Variants in TENM3 observed in about 807,000 individuals in gnomAD.
The protein encoded by TENM3 is teneurin transmembrane protein 3, also known as teneurin-3.
In TENM3, 63 loss-of-function variants were observed where a neutral mutation model predicts 255.1. The observed-to-expected ratio is 0.25, with a 90% confidence interval of 0.20 to 0.30. The LOEUF (loss-of-function observed/expected upper bound fraction) is 0.30. Ranked by LOEUF, TENM3 falls within the 10% of genes least tolerant of loss-of-function variation. The probability of loss-of-function intolerance (pLI) is 1.00; values close to 1 mark genes in which losing one functional copy is unlikely to be tolerated. For synonymous variants in TENM3, 1,306 were observed against 1,322.3 expected (o/e 0.99, Z 0.27); for missense variants, 2,929 against 3,461.1 (o/e 0.85, Z 3.86).
At chr4:181,915,370 A>G in the TENM3 span, among the ~76,000 whole-genome samples, 6 of 152,214 alleles carry the variant, frequency 3.9e-5, no homozygotes, top group Admixed American at 2.0e-4. Flanking sequence ...CCCATGAAGC[A>G]CATGCTATTA....
At chr4:182,240,694 C>T (rs1399871812), upstream of TENM3, among the ~76,000 whole-genome samples, 1 of 152,200 alleles carries the variant, frequency 6.6e-6, no homozygotes, top group African/African-American at 2.4e-5. Flanking sequence ...AAGGCAGGAT[C>T]TAGCAGGGTG....
chr4:181,595,730 C>T, the TENM3 span, among the ~76,000 whole-genome samples: 38 of 152,210 alleles, frequency 2.5e-4, no homozygotes, highest in Non-Finnish European at 4.6e-4. Flanking sequence ...CTTCTCTCAC[C>T]AAAATCAGCC....
At chr4:181,726,233 C>T in the TENM3 span, among the ~76,000 whole-genome samples, 1 of 152,066 alleles carries the variant, frequency 6.6e-6, no homozygotes, top group African/African-American at 2.4e-5. Flanking sequence ...TTTTTAACCA[C>T]CTACTATATG....
chr4:182,798,297 C>T (rs1037054470), intron 27 of TENM3, among the ~76,000 whole-genome samples: 5 of 152,214 alleles, frequency 3.3e-5, no homozygotes, highest in Non-Finnish European at 7.3e-5. Context: ...CATGAGCCAC[C>T]GGGCTCTGCC....
At chr4:182,365,842 A>G (rs886368035) in intron 3 of TENM3, among the ~76,000 whole-genome samples, 5 of 152,204 alleles carry the variant, frequency 3.3e-5, no homozygotes, top group Non-Finnish European at 7.3e-5. Flanking sequence ...AGCCCACTAT[A>G]TCTAGGCTAC....
the TENM3 span, among the ~76,000 whole-genome samples, chr4:181,578,656 C>T: frequency 6.6e-6 from 1 of 152,144 alleles, no homozygotes; most frequent in Non-Finnish European, 1.5e-5. Context: ...CTCAGCATCT[C>T]CATCAAAGGA....
intron 2 of TENM3, among the ~76,000 whole-genome samples, chr4:182,325,459 C>G (rs1763330868): frequency 6.6e-6 from 1 of 152,174 alleles, no homozygotes. Context: ...TTACTGGTAT[C>G]AAATTTTATG....
the TENM3 span, among the ~76,000 whole-genome samples, chr4:181,677,772 A>T: frequency 6.6e-6 from 1 of 152,178 alleles, no homozygotes; most frequent in South Asian, 2.1e-4. Context: ...GGCCATACTT[A>T]GCCCTGGAGT....
the TENM3 span, among the ~76,000 whole-genome samples, chr4:181,816,796 T>C: frequency 2.0e-5 from 3 of 152,236 alleles, no homozygotes; most frequent in Admixed American, 1.3e-4. Context: ...ATCACTTTTA[T>C]GCATCGATAA....
At chr4:181,816,342 T>G in the TENM3 span, among the ~76,000 whole-genome samples, 11 of 152,242 alleles carry the variant, frequency 7.2e-5, no homozygotes, top group African/African-American at 2.6e-4. Flanking sequence ...CACCTGACAT[T>G]TTGCTTTTTA....
chr4:181,753,779 T>C, the TENM3 span, among the ~76,000 whole-genome samples: 54 of 152,288 alleles, frequency 3.5e-4, no homozygotes, highest in Non-Finnish European at 7.3e-4. Flanking sequence ...AGTTTTGTTG[T>C]TTTTTACTTT....
At chr4:181,724,351 T>A in the TENM3 span, among the ~76,000 whole-genome samples, 1 of 151,340 alleles carries the variant, frequency 6.6e-6, no homozygotes, top group Non-Finnish European at 1.5e-5. Context: ...CATTTTCTCT[T>A]TTTTTTTTCT....
chr4:181,561,939 G>A, the TENM3 span, among the ~76,000 whole-genome samples: 2 of 152,156 alleles, frequency 1.3e-5, no homozygotes, highest in Non-Finnish European at 2.9e-5. Context: ...CATTCCCCTG[G>A]ATCCTTGCGA....
chr4:181,586,846 A>T, the TENM3 span, among the ~76,000 whole-genome samples: 1 of 147,552 alleles, frequency 6.8e-6, no homozygotes, highest in African/African-American at 2.5e-5. Context: ...TCTCAAAAAC[A>T]AAACAAAACA....
chr4:182,177,672 G>GT (rs1270073752), intron 1 of TENM3, among the ~76,000 whole-genome samples: 4 of 150,578 alleles, frequency 2.7e-5, no homozygotes, highest in Non-Finnish European at 5.9e-5. Context: ...TTGTTGAAAG[G>GT]TTTTTTTGTT....
At chr4:181,801,649 AAAATATAT>A in the TENM3 span, among the ~76,000 whole-genome samples, 186 of 113,404 alleles carry the variant, frequency 1.6e-3, 1 homozygote, top group African/African-American at 6.2e-3. Context: ...AAAGAATTGT[AAAATATAT>A]ATATATATAT....
intron 1 of TENM3, among the ~76,000 whole-genome samples, chr4:182,305,482 T>TA (rs1762081579): frequency 6.6e-6 from 1 of 152,244 alleles, no homozygotes; most frequent in South Asian, 2.1e-4. Context: ...GTAGTCAGAC[T>TA]AAAAATGTTA....
chr4:182,070,184 C>A, the TENM3 span, among the ~76,000 whole-genome samples: 1 of 152,116 alleles, frequency 6.6e-6, no homozygotes, highest in Non-Finnish European at 1.5e-5. Context: ...GGACGATGTA[C>A]CATTAGTTAT....
intron 22 of TENM3, among the ~76,000 whole-genome samples, chr4:182,761,032 G>A (rs1329401315): frequency 6.8e-6 from 1 of 147,670 alleles, no homozygotes; most frequent in Admixed American, 6.8e-5. Flanking sequence ...TGTTGACACT[G>A]ACTCCTATTA....
Sources: gnomAD v4.1 joint callset for allele counts (sites outside exome capture counted in the v4.1 genomes callset) on GRCh38, gnomAD v4.1.1 for gene constraint, MANE v1.5 for transcripts, NCBI Gene and HGNC (gene_info 2026-07-23, HGNC 2026-07-21) for gene names.